USP10: variants seen among roughly 807,000 people sequenced by gnomAD.
USP10 encodes ubiquitin specific peptidase 10, also known as ubiquitin carboxyl-terminal hydrolase 10.
A neutral mutation model predicts 84.5 loss-of-function variants in USP10; 22 were observed. The ratio of observed to expected loss-of-function variants is 0.26; its 90% confidence interval spans 0.19 to 0.37. The LOEUF is 0.37. Ranked by LOEUF, USP10 falls within the 10% of genes least tolerant of loss-of-function variation. The pLI is 1.00. For synonymous variants in USP10, 454 were observed against 387.6 expected, an observed-to-expected ratio of 1.17 and a Z score of -2.01; for missense variants, 1,019 against 998.9, an observed-to-expected ratio of 1.02 and a Z score of -0.27.
intron 1 of USP10, among the ~76,000 whole-genome samples, chr16:84,702,362 T>G (rs1027685749): frequency 1.3e-5 from 2 of 152,120 alleles, no homozygotes; most frequent in Non-Finnish European, 2.9e-5. Flanking sequence ...GCCTGGCCGA[T>G]TTCTCATAAT....
At chr16:84,708,263 A>G (rs1905809444) in intron 1 of USP10, among the ~76,000 whole-genome samples, 1 of 152,142 alleles carries the variant, frequency 6.6e-6, no homozygotes, top group South Asian at 2.1e-4. Context: ...CATCCTGGCC[A>G]ACATGGTAAA....
intron 1 of USP10, among the ~76,000 whole-genome samples, chr16:84,706,403 A>T (rs991066819): frequency 6.6e-6 from 1 of 151,792 alleles, no homozygotes; most frequent in Non-Finnish European, 1.5e-5. Flanking sequence ...AAGTACAAAG[A>T]GTTCCTATAT....
intron 11 of USP10, among the ~76,000 whole-genome samples, chr16:84,771,438 T>G (rs1186461385): frequency 6.6e-6 from 1 of 152,006 alleles, no homozygotes; most frequent in Non-Finnish European, 1.5e-5. Flanking sequence ...AAGGCTGCAG[T>G]GAGTCCTCAT....
intron 13 of USP10, among the ~76,000 whole-genome samples, 191 bp downstream of exon 13, chr16:84,775,416 G>T (rs1914901694): frequency 6.6e-6 from 1 of 152,132 alleles, no homozygotes; most frequent in African/African-American, 2.4e-5. Context: ...TATCATCTTG[G>T]CCCTGAGGAC....
chr16:84,747,466 CTTG>C (rs1467922931), intron 4 of USP10, among the ~76,000 whole-genome samples: 1 of 150,462 alleles, frequency 6.6e-6, no homozygotes, highest in East Asian at 2.0e-4. Context: ...CTCAGGTACT[CTTG>C]TTGTTCTGAA....
chr16:84,732,346 G>C, intron 1 of USP10: 1 of 356,720 alleles, frequency 2.8e-6, no homozygotes, highest in Non-Finnish European at 5.4e-6. Context: ...GATCATACGT[G>C]GGCATTTGTA....
At chr16:84,738,490 G>A (rs150177753) in intron 2 of USP10, among the ~76,000 whole-genome samples, 2,505 of 152,226 alleles carry the variant, frequency 0.016, 233 homozygotes, top group Admixed American at 0.15. Context: ...ACACATGGCC[G>A]CTGTGTCCAC....
intron 1 of USP10, among the ~76,000 whole-genome samples, chr16:84,719,855 A>G (rs969185581): frequency 6.6e-6 from 1 of 152,244 alleles, no homozygotes; most frequent in Non-Finnish European, 1.5e-5. Context: ...GCATGTTTCG[A>G]CAGATCATTA....
chr16:84,756,104 C>G (rs1465719819), intron 4 of USP10, among the ~76,000 whole-genome samples: 1 of 133,400 alleles, frequency 7.5e-6, no homozygotes, highest in Non-Finnish European at 1.6e-5. Context: ...CGCCCCCCAT[C>G]TCCCAACACC....
At chr16:84,736,865 T>A (rs542647419) in intron 2 of USP10, among the ~76,000 whole-genome samples, 12 of 152,324 alleles carry the variant, frequency 7.9e-5, no homozygotes, top group African/African-American at 2.9e-4. Flanking sequence ...CTCGGCTCAC[T>A]GCAAGCTCCG....
At chr16:84,728,016 AG>A (rs548555529) in intron 1 of USP10, among the ~76,000 whole-genome samples, 351 of 152,342 alleles carry the variant, frequency 2.3e-3, no homozygotes, top group African/African-American at 8.0e-3. Flanking sequence ...GTAGTCTGGA[AG>A]TTTCCCACAG....
At position 84,774,532 on chromosome 16, in the gene USP10, G is replaced by A. The variant is rs926886770; in HGVS notation, c.2144-628G>A. Among the ~76,000 whole-genome samples, 16 of 147,604 alleles carry A rather than the reference G, an allele frequency of 1.1e-4. No individual in the cohort carries two copies. In the East Asian group the frequency reaches 1.2e-3, roughly 11 times the overall value. Reference sequence around the variant, plus strand: ...GTCACCCAGGCTGGAGTGCAGTGGCGCGATCTCGGCTCGCTGCAACCTCTG... The same window carrying A: ...GTCACCCAGGCTGGAGTGCAGTGGCACGATCTCGGCTCGCTGCAACCTCTG... On this transcript the variant is annotated intron_variant, in intron 12 of 13. Coordinates refer to ENST00000219473, the MANE Select transcript of USP10 (RefSeq NM_005153.3).
At chr16:84,718,731 G>A (rs547428836) in intron 1 of USP10, among the ~76,000 whole-genome samples, 2 of 151,920 alleles carry the variant, frequency 1.3e-5, no homozygotes, top group South Asian at 4.2e-4. Flanking sequence ...ACTCCAGGTT[G>A]GGCAACAGAG....
chr16:84,706,736 T>A (rs1905572079), intron 1 of USP10, among the ~76,000 whole-genome samples: 1 of 151,746 alleles, frequency 6.6e-6, no homozygotes, highest in South Asian at 2.1e-4. Context: ...GAGACGGGGT[T>A]TCACGGTGTT....
At chr16:84,765,784 G>A (rs1050234499) in intron 10 of USP10, among the ~76,000 whole-genome samples, 12 of 152,186 alleles carry the variant, frequency 7.9e-5, no homozygotes, top group Non-Finnish European at 1.8e-4. Flanking sequence ...ACAGACCCGT[G>A]ACTGGGCTGG....
intron 1 of USP10, 66 bp downstream of exon 1, chr16:84,700,177 G>GGCGGGCGGACGCCGCGGCGC: frequency 8.6e-7 from 1 of 1,166,184 alleles, no homozygotes; most frequent in Non-Finnish European, 1.1e-6. Flanking sequence ...CGCCGCGGCG[G>GGCGGGCGGACGCCGCGGCGC]GCGGGCGTCC....
intron 8 of USP10, among the ~76,000 whole-genome samples, chr16:84,761,919 C>T (rs1464797576): frequency 6.6e-6 from 1 of 152,276 alleles, no homozygotes; most frequent in Non-Finnish European, 1.5e-5. Flanking sequence ...CCCTTTTCTG[C>T]ACACGTGCAG....
At position 84,764,123 on chromosome 16, in the gene USP10, C is replaced by G; in HGVS notation, c.1692C>G (p.Val564=). The stretch of plus-strand genomic sequence containing the variant: ...CCAACGGCCCCAAAAACCACTCGGT[C>G]AATGAAGAAGAGCAGGAAGAACAAG... ...TISNGPKNHS[V]NEEEQEEQGE... is the part of the protein sequence containing the mutation. Residue 564 remains valine (V), a synonymous_variant, in exon 10 of 14, where the codon GTC becomes GTG. Transcript: ENST00000219473. 1.2e-6 allele frequency: 2 copies of G among 1,613,692 alleles called. No individual in the cohort carries two copies. The highest frequency in any genetic ancestry group is 1.1e-5 in the South Asian group (1 of 91,044).
intron 1 of USP10, among the ~76,000 whole-genome samples, chr16:84,702,693 C>T (rs1284987347): frequency 1.3e-5 from 2 of 151,954 alleles, no homozygotes; most frequent in African/African-American, 4.8e-5. Flanking sequence ...GAAAAAGTTA[C>T]AGTTTAAAAA....
Sources: gnomAD v4.1 joint callset for allele counts (sites outside exome capture counted in the v4.1 genomes callset) on GRCh38, gnomAD v4.1.1 for gene constraint, MANE v1.5 for transcripts, NCBI Gene and HGNC (gene_info 2026-07-23, HGNC 2026-07-21) for gene names.